The following CDH8 variants were observed in gnomAD, a reference collection of about 807,000 sequenced individuals.
CDH8 encodes cadherin-8.
A neutral mutation model predicts 68.1 loss-of-function variants in CDH8; 17 were observed. The ratio of observed to expected loss-of-function variants is 0.25; its 90% CI spans 0.17 to 0.37. CDH8 has a LOEUF of 0.37. CDH8 is among the 10% of genes least tolerant of loss of function. CDH8 has a pLI of 1.00. For missense variants in CDH8, 763 were observed against 999.3 expected (o/e 0.76, Z 3.19); for synonymous variants, 372 against 365.1 (o/e 1.02, Z -0.21).
intron 10 of CDH8, among the ~76,000 whole-genome samples, chr16:61,689,533 G>A (rs1964176657): frequency 6.6e-6 from 1 of 151,882 alleles, no homozygotes; most frequent in African/African-American, 2.4e-5. Flanking sequence ...TGACTTCAGG[G>A]CAATCATTTA....
intron 7 of CDH8, among the ~76,000 whole-genome samples, chr16:61,796,964 T>C (rs1472255705): frequency 6.6e-6 from 1 of 152,086 alleles, no homozygotes; most frequent in Non-Finnish European, 1.5e-5. Context: ...AATAACATAC[T>C]TCTGCATTGC....
chr16:61,750,549 A>G (rs1406713408), intron 8 of CDH8, among the ~76,000 whole-genome samples: 1 of 152,140 alleles, frequency 6.6e-6, no homozygotes, highest in Admixed American at 6.6e-5. Flanking sequence ...TTGAAATTAC[A>G]GACATGCATT....
intron 2 of CDH8, among the ~76,000 whole-genome samples, chr16:61,972,571 G>GGGGTGTGTGTGT (rs369833002): frequency 1.3e-4 from 17 of 131,464 alleles, no homozygotes; most frequent in South Asian, 2.4e-4. Context: ...ACACATTGTG[G>GGGGTGTGTGTGT]GTGTGTGTGT....
intron 3 of CDH8, among the ~76,000 whole-genome samples, chr16:61,888,246 G>A (rs571350032): frequency 6.6e-6 from 1 of 152,258 alleles, no homozygotes; most frequent in South Asian, 2.1e-4. Flanking sequence ...CAGTTCTCCT[G>A]CAGACTACTC....
At chr16:61,833,600 T>G (rs1962508241) in intron 4 of CDH8, among the ~76,000 whole-genome samples, 1 of 152,072 alleles carries the variant, frequency 6.6e-6, no homozygotes, top group Non-Finnish European at 1.5e-5. Flanking sequence ...GATTTTTCTC[T>G]TATTCAAATC....
intron 10 of CDH8, among the ~76,000 whole-genome samples, chr16:61,689,798 A>T (rs1308477251): frequency 1.3e-5 from 2 of 152,078 alleles, no homozygotes; most frequent in Non-Finnish European, 2.9e-5. Flanking sequence ...AACATAAATC[A>T]TAATAATACT....
chr16:61,911,744 A>G (rs1436380), intron 2 of CDH8, among the ~76,000 whole-genome samples: 81,078 of 151,776 alleles, frequency 0.53, 23,438 homozygotes, highest in African/African-American at 0.77. Context: ...AGAAGTTTTC[A>G]ACAAATAAAC....
At chr16:61,980,090 G>A (rs1300170950) in intron 2 of CDH8, among the ~76,000 whole-genome samples, 1 of 152,110 alleles carries the variant, frequency 6.6e-6, no homozygotes, top group African/African-American at 2.4e-5. Context: ...GAAACATGAG[G>A]GAAAGCCCAC....
At chr16:61,739,402 A>G (rs1291480315) in intron 8 of CDH8, among the ~76,000 whole-genome samples, 1 of 152,120 alleles carries the variant, frequency 6.6e-6, no homozygotes, top group Non-Finnish European at 1.5e-5. Context: ...CTAATATTGT[A>G]AACTACCCAG....
At chr16:61,857,294 A>G in intron 3 of CDH8, 56 bp from the exon 4 acceptor site, 1 of 1,484,410 alleles carries the variant, frequency 6.7e-7, no homozygotes, top group Non-Finnish European at 9.3e-7. Context: ...CTTTGCCAAG[A>G]GCTACATTTT....
intron 2 of CDH8, among the ~76,000 whole-genome samples, chr16:61,919,210 G>A (rs1190274711): frequency 6.8e-6 from 1 of 146,146 alleles, no homozygotes; most frequent in Non-Finnish European, 1.5e-5. Flanking sequence ...CCACAAAGAT[G>A]GGGAAAAAAC....
chr16:61,752,179 G>T (rs994809410), intron 8 of CDH8, among the ~76,000 whole-genome samples: 11 of 152,102 alleles, frequency 7.2e-5, no homozygotes, highest in African/African-American at 2.7e-4. Flanking sequence ...GGGGATCAGG[G>T]TAGTCTTATT....
intron 8 of CDH8, among the ~76,000 whole-genome samples, chr16:61,753,438 C>G (rs1192080532): frequency 1.3e-5 from 2 of 152,028 alleles, no homozygotes; most frequent in Non-Finnish European, 2.9e-5. Context: ...CAGCTTTTCA[C>G]CATGCTGCCC....
intron 7 of CDH8, among the ~76,000 whole-genome samples, chr16:61,801,859 C>A (rs536492554): frequency 6.6e-6 from 1 of 152,168 alleles, no homozygotes; most frequent in Non-Finnish European, 1.5e-5. Flanking sequence ...AGTCTGAGAT[C>A]AAACTGCAAG....
At chr16:61,655,320 T>C in intron 11 of CDH8, 150 bp downstream of exon 11, 1 of 745,968 alleles carries the variant, frequency 1.3e-6, no homozygotes, top group East Asian at 2.7e-5. Context: ...TCTTCACTTA[T>C]TAGAGATCTC....
At chr16:61,884,871 G>A (rs1290250030) in intron 3 of CDH8, among the ~76,000 whole-genome samples, 1 of 152,038 alleles carries the variant, frequency 6.6e-6, no homozygotes, top group Non-Finnish European at 1.5e-5. Context: ...AACTCTGCAA[G>A]GGGTTATAAC....
chr16:62,030,321 A>C (rs1365585747), intron 1 of CDH8, among the ~76,000 whole-genome samples: 1 of 152,214 alleles, frequency 6.6e-6, no homozygotes, highest in Non-Finnish European at 1.5e-5. Flanking sequence ...ACTCAAAGGC[A>C]AGAGAAGATA....
intron 7 of CDH8, among the ~76,000 whole-genome samples, 152 bp downstream of exon 7, chr16:61,817,324 ACAC>A: frequency 6.6e-6 from 1 of 151,884 alleles, no homozygotes; most frequent in African/African-American, 2.4e-5. Flanking sequence ...ACACACACAC[ACAC>A]ACACACACAC....
intron 3 of CDH8, among the ~76,000 whole-genome samples, chr16:61,884,667 C>A (rs961526166): frequency 1.3e-5 from 2 of 152,180 alleles, no homozygotes; most frequent in Admixed American, 1.3e-4. Flanking sequence ...AGCCACTGCA[C>A]TTGGACCCTT....
Sources: gnomAD v4.1 joint callset for allele counts (sites outside exome capture counted in the v4.1 genomes callset) on GRCh38, gnomAD v4.1.1 for gene constraint, MANE v1.5 for transcripts, NCBI Gene and HGNC (gene_info 2026-07-23, HGNC 2026-07-21) for gene names.